Variants in LRFN5 observed in about 807,000 individuals in gnomAD.
LRFN5 encodes the protein leucine rich repeat and fibronectin type III domain containing 5, also known as leucine-rich repeat and fibronectin type-III domain-containing protein 5.
Under a neutral mutation model 45.6 loss-of-function variants are expected in LRFN5, and 24 were observed. The observed-to-expected ratio is 0.53, with a 90% CI of 0.38 to 0.74. The LOEUF is 0.74. Among genes scored for constraint, LRFN5 ranks in the 30% least tolerant of loss-of-function variants. The pLI is 0.00. For synonymous variants in LRFN5, 340 were observed against 313.8 expected (o/e 1.08, Z -0.88); for missense variants, 776 against 861.5 (o/e 0.90, Z 1.24).
At chr14:41,765,546 T>G (rs1035615506) in intron 1 of LRFN5, among the ~76,000 whole-genome samples, 3 of 152,238 alleles carry the variant, frequency 2.0e-5, no homozygotes, top group Non-Finnish European at 2.9e-5. Context: ...TCTGATGTTT[T>G]TGTCATGCAT....
At chr14:41,685,857 T>G (rs138064106) in intron 1 of LRFN5, among the ~76,000 whole-genome samples, 9 of 152,304 alleles carry the variant, frequency 5.9e-5, no homozygotes, top group African/African-American at 2.2e-4. Flanking sequence ...CATGCTGTCT[T>G]GGTTACTGTA....
intron 1 of LRFN5, among the ~76,000 whole-genome samples, chr14:41,755,620 A>G (rs1480662547): frequency 6.6e-6 from 1 of 152,086 alleles, no homozygotes; most frequent in Non-Finnish European, 1.5e-5. Flanking sequence ...TTTGCTTGGT[A>G]GATCTTCCTC....
rs566732789 is a variant in LRFN5, at chr14:41,754,456, C to G, written c.-196-12398C>G. Reference sequence around the variant, plus strand: ...CTCAATTTCAGAGCTTGTTATTGGTCTATTCAGAGATTCAACTTCTTCCTG... The same window carrying G: ...CTCAATTTCAGAGCTTGTTATTGGTGTATTCAGAGATTCAACTTCTTCCTG... On this transcript the variant is annotated intron_variant, in intron 1 of 5. Transcript: ENST00000298119. 4.6e-5 allele frequency among the ~76,000 whole-genome samples: 7 copies of G among 152,174 alleles called. No homozygotes were observed. In the South Asian group the frequency reaches 1.2e-3, roughly 27 times the overall value.
At chr14:41,789,291 C>T (rs1886835358) in intron 2 of LRFN5, among the ~76,000 whole-genome samples, 1 of 151,590 alleles carries the variant, frequency 6.6e-6, no homozygotes, top group South Asian at 2.1e-4. Context: ...AATTTTGTTC[C>T]AACTATTGGA....
chr14:41,613,299 T>C (rs960427269), intron 1 of LRFN5, among the ~76,000 whole-genome samples: 8 of 152,054 alleles, frequency 5.3e-5, no homozygotes, highest in African/African-American at 1.2e-4. Flanking sequence ...GGGTCAGATA[T>C]TATTATGGTT....
At chr14:41,655,797 G>A (rs552063854) in intron 1 of LRFN5, among the ~76,000 whole-genome samples, 2 of 152,070 alleles carry the variant, frequency 1.3e-5, no homozygotes, top group South Asian at 2.1e-4. Context: ...TGGGTTAGAC[G>A]TAGAGTGCAG....
At chr14:41,756,545 G>A (rs796442307) in intron 1 of LRFN5, among the ~76,000 whole-genome samples, 9 of 152,084 alleles carry the variant, frequency 5.9e-5, no homozygotes, top group African/African-American at 2.2e-4. Flanking sequence ...CCAGTTGATC[G>A]AATCGGCTAC....
intron 2 of LRFN5, among the ~76,000 whole-genome samples, chr14:41,833,393 A>G (rs762102815): frequency 2.0e-5 from 3 of 152,178 alleles, no homozygotes; most frequent in Non-Finnish European, 4.4e-5. Flanking sequence ...TCCGCCTTCT[A>G]TAGAATCTCT....
chr14:41,671,810 G>T (rs976345151), intron 1 of LRFN5, among the ~76,000 whole-genome samples: 6 of 151,772 alleles, frequency 4.0e-5, no homozygotes, highest in Admixed American at 3.9e-4. Flanking sequence ...TAGAGACAGG[G>T]TTTCACCATG....
intron 2 of LRFN5, among the ~76,000 whole-genome samples, chr14:41,791,573 G>C (rs1296602141): frequency 6.6e-6 from 1 of 152,042 alleles, no homozygotes; most frequent in Non-Finnish European, 1.5e-5. Flanking sequence ...GATATGGGAA[G>C]TAAAAATTTC....
At chr14:41,779,770 T>A (rs1448264295) in intron 2 of LRFN5, among the ~76,000 whole-genome samples, 2 of 151,958 alleles carry the variant, frequency 1.3e-5, no homozygotes, top group East Asian at 3.9e-4. Context: ...TTATTCATAA[T>A]ATTACTTTAT....
intron 2 of LRFN5, among the ~76,000 whole-genome samples, chr14:41,811,887 C>T (rs1445358110): frequency 2.0e-5 from 3 of 151,950 alleles, no homozygotes; most frequent in Non-Finnish European, 4.4e-5. Flanking sequence ...CACTAGAACC[C>T]TTTGAATTAT....
At chr14:41,845,520 G>A (rs1232139956) in intron 2 of LRFN5, among the ~76,000 whole-genome samples, 1 of 151,708 alleles carries the variant, frequency 6.6e-6, no homozygotes, top group Non-Finnish European at 1.5e-5. Context: ...TTCTTTCTTT[G>A]TTCTTGTTTT....
intron 1 of LRFN5, among the ~76,000 whole-genome samples, chr14:41,757,205 G>A (rs1264141079): frequency 1.3e-5 from 2 of 152,206 alleles, no homozygotes; most frequent in Non-Finnish European, 2.9e-5. Context: ...TCGGGGGTCA[G>A]GGACCCACTT....
intron 2 of LRFN5, among the ~76,000 whole-genome samples, chr14:41,857,451 G>T (rs1349273830): frequency 6.6e-6 from 1 of 152,102 alleles, no homozygotes. Context: ...CTATCTCCTC[G>T]TGGTTTGTCT....
At chr14:41,679,383 A>G (rs1308310675) in intron 1 of LRFN5, among the ~76,000 whole-genome samples, 7 of 152,006 alleles carry the variant, frequency 4.6e-5, no homozygotes, top group Middle Eastern at 3.2e-3. Flanking sequence ...GGGAAGAGTA[A>G]AGAGGATTTG....
chr14:41,639,901 G>T (rs1459614362), intron 1 of LRFN5, among the ~76,000 whole-genome samples: 1 of 149,250 alleles, frequency 6.7e-6, no homozygotes, highest in Non-Finnish European at 1.5e-5. Context: ...TCCTACCTCA[G>T]CCTCCACAGT....
chr14:41,732,054 C>T (rs1884202285), intron 1 of LRFN5, among the ~76,000 whole-genome samples: 1 of 152,122 alleles, frequency 6.6e-6, no homozygotes, highest in African/African-American at 2.4e-5. Flanking sequence ...ACTCTGAAGC[C>T]TATTGAAGTC....
At chr14:41,655,282 G>C (rs1369378713) in intron 1 of LRFN5, among the ~76,000 whole-genome samples, 1 of 151,918 alleles carries the variant, frequency 6.6e-6, no homozygotes, top group Non-Finnish European at 1.5e-5. Context: ...CTGTTGGAAG[G>C]GTTATTATTT....
Sources: allele counts gnomAD v4.1 joint callset (sites outside exome capture counted in the v4.1 genomes callset), GRCh38; gene constraint gnomAD v4.1.1; transcripts MANE v1.5; gene names NCBI Gene and HGNC (gene_info 2026-07-23, HGNC 2026-07-21).